Variants in CIC observed in about 807,000 individuals in gnomAD.
CIC encodes the protein capicua transcriptional repressor, also known as protein capicua homolog.
A neutral mutation model predicts 115.7 loss-of-function variants in CIC; 18 were observed. That is an observed-to-expected ratio of 0.16 (90% CI 0.11 to 0.23). The LOEUF is 0.23. Among genes scored for constraint, CIC ranks in the 10% least tolerant of loss-of-function variants. The probability of loss-of-function intolerance (pLI) is 1.00; values close to 1 mark genes in which losing one functional copy is unlikely to be tolerated. For synonymous variants in CIC, 1,076 were observed against 923.0 expected, an observed-to-expected ratio of 1.17 and a Z score of -3.01; for missense variants, 2,000 against 2,159.3, an observed-to-expected ratio of 0.93 and a Z score of 1.46.
intron 7 of CIC, 122 bp downstream of exon 7, chr19:42,288,097 G>C (rs754142802): frequency 7.5e-5 from 88 of 1,173,246 alleles, no homozygotes; most frequent in Non-Finnish European, 1.0e-4. Flanking sequence ...TTAATTTGGC[G>C]ACCCTTATCC....
intron 2 of CIC, among the ~76,000 whole-genome samples, chr19:42,285,988 C>T (rs886505895): frequency 6.6e-6 from 1 of 152,236 alleles, no homozygotes; most frequent in Non-Finnish European, 1.5e-5. Context: ...CGTGGTTTTT[C>T]TTCCAAGGAG....
In CIC at chr19:42,289,882, C is replaced by G. The variant is rs776506426; in HGVS notation, c.4122C>G (p.Leu1374=). 1.2e-6 allele frequency: 2 copies of G among 1,609,544 alleles called. No homozygotes were observed. The highest frequency in any genetic ancestry group is 1.7e-6 in the Non-Finnish European group (2 of 1,178,148). ...DDGFGTTDID[L]KCKERVTDSE... The stretch of plus-strand genomic sequence containing the variant: ...GCTTCGGCACCACTGACATTGATCT[C>G]AAGTGCAAGGAGCGGGTGACCGACA... Residue 1374 remains leucine (L), a synonymous_variant, in exon 10 of 21, where the codon CTC becomes CTG. Transcript: ENST00000681038.
upstream of CIC, among the ~76,000 whole-genome samples, chr19:42,268,936 C>T (rs951659205): frequency 6.6e-6 from 1 of 152,204 alleles, no homozygotes; most frequent in African/African-American, 2.4e-5. Flanking sequence ...CGACTGGGTA[C>T]TGTATTTGTC....
Position 42,291,372 on chromosome 19 carries a change from G to T in CIC, c.5331G>T (p.Pro1777=). 1 of 1,612,368 alleles carries T rather than the reference G, an allele frequency of 6.2e-7. No homozygotes were observed. The highest frequency in any genetic ancestry group is 8.5e-7 in the Non-Finnish European group (1 of 1,179,712). ...CCAGCATCCGTTTCACCCTCCCACC[G>T]GGCACTTCCACCAACGGCAAAGTCC... ...PTTSIRFTLP[P]GTSTNGKVLA... is the part of the protein sequence containing the mutation. The change falls in exon 11 of 21, where the codon CCG becomes CCT. Residue 1777 remains proline (P), a synonymous_variant. Coordinates refer to ENST00000681038, the MANE Select transcript of CIC (RefSeq NM_001386298.1).
At position 42,292,140 on chromosome 19, in the gene CIC, C is replaced by T; in HGVS notation, c.5668C>T (p.Leu1890=). 1 of 1,614,054 alleles carries T rather than the reference C, an allele frequency of 6.2e-7. No homozygotes were observed. Among genetic ancestry groups the T allele is most frequent in the Middle Eastern group, 1.7e-4 (1 of 6,060 alleles). Reference sequence around the variant, plus strand: ...CACACCCAGCGGCCTGGTGCCGCCCCTGAGCCCAGCCACACTCCCTGGACC... The same window carrying T: ...CACACCCAGCGGCCTGGTGCCGCCCTTGAGCCCAGCCACACTCCCTGGACC... ...VSTPSGLVPP[L]SPATLPGPTS... Residue 1890 remains leucine (L), a synonymous_variant, in exon 13 of 21, where the codon CTG becomes TTG. Coordinates refer to ENST00000681038, the MANE Select transcript of CIC (RefSeq NM_001386298.1).
rs1186646296 is a variant in CIC, at chr19:42,290,584, G to A, written c.4543G>A (p.Val1515Met). The A allele has an allele frequency of 1.2e-6, 2 of 1,613,776 alleles. No homozygotes were observed. The highest frequency in any genetic ancestry group is 1.7e-4 in the Middle Eastern group (1 of 5,972). ...ATFRRKRPES[V>M]GGLEPPGPSV... ...CTTCCGGCGCAAGAGACCCGAAAGT[G>A]TGGGTGGCCTGGAGCCACCAGGCCC... The change falls in exon 11 of 21, where the codon GTG becomes ATG. Residue 1515 changes from valine (V) to methionine (M), a missense_variant. Physicochemically the swap from Val to Met is conservative, Grantham distance 21 (BLOSUM62 1). Around this residue, in one of 8 missense-constraint regions of CIC, gnomAD observed 1,466 missense variants for 1,390.4 expected, o/e 1.05. Transcript: ENST00000681038.
At chr19:42,291,820 GTC>G in intron 12 of CIC, 75 bp downstream of exon 12, 1 of 1,561,038 alleles carries the variant, frequency 6.4e-7, no homozygotes, top group South Asian at 1.1e-5. Context: ...TTTTTTTTCA[GTC>G]TTTTCTCCTT....
intron 9 of CIC, among the ~76,000 whole-genome samples, 182 bp downstream of exon 9, chr19:42,289,588 C>G (rs1005447180): frequency 6.6e-6 from 1 of 152,240 alleles, no homozygotes; most frequent in Admixed American, 6.5e-5. Flanking sequence ...AAGCCCCCAG[C>G]CCTGCAGGAA....
In CIC at chr19:42,292,454, C is replaced by T. The variant is rs1187440671; in HGVS notation, c.5890C>T (p.Pro1964Ser). 1 of 1,611,468 alleles carries T rather than the reference C, an allele frequency of 6.2e-7. No homozygotes were observed. Among genetic ancestry groups the T allele is most frequent in the African/African-American group, 1.3e-5 (1 of 75,026 alleles). Residue 1964 changes from proline (P) to serine (S), a missense_variant, in exon 14 of 21, where the codon CCC (proline) becomes TCC (serine). Physicochemically the swap from Pro to Ser is moderately conservative, Grantham distance 74 (BLOSUM62 -1). Transcript: ENST00000681038. ...GCCCAGCGGCCCCGCCTTCGTGCAG[C>T]CCCTGCTCTCAGGTGAGGGGCGGCC... ...LGPSGPAFVQ[P>S]LLSAGQAPLL...
chr19:42,281,559 A>G (rs2037252984), intron 2 of CIC, among the ~76,000 whole-genome samples: 1 of 152,176 alleles, frequency 6.6e-6, no homozygotes, highest in Non-Finnish European at 1.5e-5. Flanking sequence ...GGGAGGCCCC[A>G]ATTAGGGTTG....
chr19:42,294,572 C>T (rs2038381143), intron 19 of CIC, 32 bp from the exon 20 acceptor site: 1 of 1,612,118 alleles, frequency 6.2e-7, no homozygotes, highest in East Asian at 2.2e-5. Flanking sequence ...GCCGCTGCTG[C>T]AGCCTTGCCA....
At chr19:42,283,831 G>A (rs2037386903) in intron 2 of CIC, among the ~76,000 whole-genome samples, 2 of 152,030 alleles carry the variant, frequency 1.3e-5, no homozygotes, top group South Asian at 4.1e-4. Flanking sequence ...CCCCGCCCCC[G>A]GCCGGCTCGG....
chr19:42,273,416 C>T lies in CIC; in HGVS notation c.1633C>T (p.Arg545Trp), dbSNP rs1340409094. Reference sequence around the variant, plus strand: ...AGACAGTGGGCCTGGCGGGGCGGGCCGGCCCGCGGCCGTGGCAGCCCGTGA... The same window carrying T: ...AGACAGTGGGCCTGGCGGGGCGGGCTGGCCCGCGGCCGTGGCAGCCCGTGA... Reference protein sequence around the residue: ...LADSGPGGAGRPAAVAAREGS... With the variant: ...LADSGPGGAGWPAAVAAREGS... The change falls in exon 2 of 21, where the codon CGG becomes TGG. Residue 545 changes from arginine (R) to tryptophan (W), a missense_variant. Arg to Trp is a moderately radical substitution (Grantham distance 101). Around this residue, in one of 8 missense-constraint regions of CIC, gnomAD observed 222 missense variants for 247.7 expected, o/e 0.90. Coordinates refer to ENST00000681038, the MANE Select transcript of CIC (RefSeq NM_001386298.1). 5.0e-6 allele frequency: 2 copies of T among 398,248 alleles called. No individual in the cohort carries two copies. The highest frequency in any genetic ancestry group is 8.9e-6 in the Non-Finnish European group (2 of 225,918). The allele number at this position is 398,248 out of a possible 1,614,324, so 24.7% of individuals were successfully genotyped here. A position where few individuals can be genotyped will look rare whatever the true frequency, so the allele number is the denominator to read the frequency against.
rs1158641434 is a variant in CIC at position 42,287,299 on chromosome 19, G to A, written c.3180-21G>A. On this transcript the variant is annotated intron_variant, in intron 4 of 20. Transcript: ENST00000681038. This position sits in a 1 kb window ranked among gnomAD's most constrained non-coding sequence, Gnocchi z 8.7. ...GATGGCCAGAGACATGGCCCTCACT[G>A]TCCCTGCTGCCCCGCCGCAGCTTCC... 4 of 1,613,944 alleles carry A rather than the reference G, an allele frequency of 2.5e-6. No individual in the cohort carries two copies. Among genetic ancestry groups the A allele is most frequent in the Non-Finnish European group, 3.4e-6 (4 of 1,180,036 alleles).
chr19:42,292,664 A>G lies in CIC; in HGVS notation c.6001A>G (p.Ile2001Val), dbSNP rs2038223711. 2 of 1,613,716 alleles carry G rather than the reference A, an allele frequency of 1.2e-6. No homozygotes were observed. Among genetic ancestry groups the G allele is most frequent in the East Asian group, 2.2e-5 (1 of 44,888 alleles). The part of the protein sequence containing the change: ...PACAAPGGPV[I>V]TAFYSGSPAP... ...CTGTGCAGCCCCCGGAGGTCCTGTC[A>G]TAACAGCATTTTACTCTGGCAGCCC... Residue 2001 changes from isoleucine to valine, a missense_variant, in exon 15 of 21, where the codon ATA becomes GTA. By Grantham distance (29) the Ile-to-Val change is conservative. Coordinates refer to ENST00000681038, the MANE Select transcript of CIC (RefSeq NM_001386298.1).
At chr19:42,291,789 G>A (rs2038134279) in intron 12 of CIC, 44 bp downstream of exon 12, 2 of 1,605,204 alleles carry the variant, frequency 1.2e-6, no homozygotes, top group East Asian at 2.2e-5. Flanking sequence ...GTTGGCCCCT[G>A]TACCCCATCA....
chr19:42,293,025 T>C lies in CIC; in HGVS notation c.6266T>C (p.Val2089Ala). 1 of 1,613,182 alleles carries C rather than the reference T, an allele frequency of 6.2e-7. No individual in the cohort carries two copies. Among genetic ancestry groups the C allele is most frequent in the South Asian group, 1.1e-5 (1 of 91,070 alleles). Residue 2089 changes from valine to alanine, a missense_variant, in exon 16 of 21, where the codon GTG becomes GCG. Coordinates refer to ENST00000681038, the MANE Select transcript of CIC (RefSeq NM_001386298.1). Reference sequence around the variant, plus strand: ...CCCAGCCCGAAGGCCCCCCAGAAAGTGAAGGCAGCCATCGCCAGCATTCCC... The same window carrying C: ...CCCAGCCCGAAGGCCCCCCAGAAAGCGAAGGCAGCCATCGCCAGCATTCCC... ...QRPSPKAPQK[V>A]KAAIASIPVG...
At chr19:42,278,244 G>A (rs540546943) in intron 2 of CIC, among the ~76,000 whole-genome samples, 7 of 152,362 alleles carry the variant, frequency 4.6e-5, no homozygotes, top group Non-Finnish European at 4.4e-5. Flanking sequence ...CCCAGGGCCT[G>A]CAGCCCCAGT....
rs2038216922 is a variant in CIC at position 42,292,610 on chromosome 19, C to T, written c.5947C>T (p.Pro1983Ser). 1.9e-6 allele frequency: 3 copies of T among 1,613,494 alleles called. No individual in the cohort carries two copies. In the East Asian group the frequency reaches 6.7e-5, roughly 36 times the overall value. The change falls in exon 15 of 21, where the codon CCT becomes TCT. Residue 1983 changes from proline (P) to serine (S), a missense_variant. By Grantham distance (74) the Pro-to-Ser change is moderately conservative. This residue lies in a region of CIC where 1,466 missense variants were observed against 1,390.4 expected (regional missense o/e 1.05). Transcript: ENST00000681038. ...GGCTCCCGGTCAGGTGGGCGTGTCACCTGTGCCCAGTCCCCAGCTGCCGCC... is the reference window on the plus strand; with the variant it reads ...GGCTCCCGGTCAGGTGGGCGTGTCATCTGTGCCCAGTCCCCAGCTGCCGCC... Reference protein sequence around the residue: ...LLAPGQVGVSPVPSPQLPPAC... With the variant: ...LLAPGQVGVSSVPSPQLPPAC...
Sources: gnomAD v4.1 joint callset for allele counts (sites outside exome capture counted in the v4.1 genomes callset) on GRCh38, gnomAD v4.1.1 for gene constraint, gnomAD v4.1.1 regional missense constraint, Gnocchi (gnomAD v3.1) non-coding constraint, MANE v1.5 for transcripts, NCBI Gene and HGNC (gene_info 2026-07-23, HGNC 2026-07-21) for gene names.